The following GRID2 variants were observed in gnomAD, a reference collection of about 807,000 sequenced individuals.
GRID2 encodes glutamate ionotropic receptor delta type subunit 2.
Under a neutral mutation model 114.8 loss-of-function variants are expected in GRID2, and 33 were observed. That is an observed-to-expected ratio of 0.29 (90% CI 0.22 to 0.38). The LOEUF (loss-of-function observed/expected upper bound fraction) is 0.38. GRID2 is among the 10% of genes least tolerant of loss of function. The probability of loss-of-function intolerance (pLI) is 1.00; values close to 1 mark genes in which losing one functional copy is unlikely to be tolerated. For synonymous variants in GRID2, 505 were observed against 449.9 expected (o/e 1.12, Z -1.55); for missense variants, 1,184 against 1,257.7 (o/e 0.94, Z 0.89).
At chr4:92,336,954 G>GTTTTTTTTTTTTTT (rs59093874) in intron 1 of GRID2, among the ~76,000 whole-genome samples, 36 of 78,126 alleles carry the variant, frequency 4.6e-4, no homozygotes, top group Non-Finnish European at 5.0e-4. Flanking sequence ...TTTCGTTGTT[G>GTTTTTTTTTTTTTT]TTTTTTTTTT....
At chr4:93,758,650 A>C (rs1208132686) in intron 14 of GRID2, among the ~76,000 whole-genome samples, 2 of 152,216 alleles carry the variant, frequency 1.3e-5, no homozygotes, top group Admixed American at 6.5e-5. Flanking sequence ...TACAAATAGC[A>C]TACAACTCAG....
intron 2 of GRID2, among the ~76,000 whole-genome samples, chr4:92,763,887 G>C (rs886515651): frequency 6.6e-6 from 1 of 152,100 alleles, no homozygotes; most frequent in Non-Finnish European, 1.5e-5. Flanking sequence ...TCTAAACAAA[G>C]AACAGATATA....
intron 2 of GRID2, among the ~76,000 whole-genome samples, chr4:92,708,372 C>T (rs185152270): frequency 6.6e-6 from 1 of 152,290 alleles, no homozygotes; most frequent in East Asian, 1.9e-4. Context: ...AGCAATGCAA[C>T]TGCTTCAATT....
intron 1 of GRID2, among the ~76,000 whole-genome samples, chr4:92,475,153 T>A (rs964405407): frequency 4.3e-5 from 6 of 140,288 alleles, no homozygotes; most frequent in African/African-American, 8.0e-5. Context: ...ATAATAATAA[T>A]AAAAAGCTTT....
intron 2 of GRID2, among the ~76,000 whole-genome samples, chr4:92,733,525 T>G (rs937910892): frequency 9.2e-5 from 14 of 152,170 alleles, no homozygotes; most frequent in Middle Eastern, 3.4e-3. Flanking sequence ...AATAAGTAGA[T>G]AGCCATTTTA....
chr4:93,117,357 ATCAGCTT>A (rs1230203312), intron 4 of GRID2, among the ~76,000 whole-genome samples: 2 of 152,044 alleles, frequency 1.3e-5, no homozygotes, highest in African/African-American at 4.8e-5. Flanking sequence ...AGGGATAAAT[ATCAGCTT>A]TCAGGAACAT....
intron 13 of GRID2, among the ~76,000 whole-genome samples, chr4:93,553,152 A>G (rs1370885646): frequency 6.6e-6 from 1 of 152,198 alleles, no homozygotes; most frequent in Non-Finnish European, 1.5e-5. Flanking sequence ...ATACCCAGTA[A>G]TGGGATTCCT....
At chr4:93,023,151 CTG>C (rs1723554715) in intron 2 of GRID2, among the ~76,000 whole-genome samples, 1 of 137,764 alleles carries the variant, frequency 7.3e-6, no homozygotes, top group Non-Finnish European at 1.6e-5. Context: ...GTGTGTGTGT[CTG>C]TATTGGGCAT....
At chr4:92,380,741 C>A (rs961049264) in intron 1 of GRID2, among the ~76,000 whole-genome samples, 1 of 151,976 alleles carries the variant, frequency 6.6e-6, no homozygotes, top group South Asian at 2.1e-4. Flanking sequence ...TTCTGGCTAA[C>A]AGCGTTAGTT....
chr4:93,369,689 G>T (rs1372880709), intron 8 of GRID2, among the ~76,000 whole-genome samples: 1 of 152,038 alleles, frequency 6.6e-6, no homozygotes, highest in African/African-American at 2.4e-5. Context: ...GGGTCTCTCT[G>T]TGTTGACCAG....
At chr4:93,514,422 TACAC>T (rs56718347) in intron 12 of GRID2, among the ~76,000 whole-genome samples, 1,649 of 139,708 alleles carry the variant, frequency 0.012, 12 homozygotes, top group Non-Finnish European at 0.015. Flanking sequence ...ACCTCCACAG[TACAC>T]ACACACACAC....
At chr4:92,369,936 C>T (rs1221405596) in intron 1 of GRID2, among the ~76,000 whole-genome samples, 2 of 152,074 alleles carry the variant, frequency 1.3e-5, no homozygotes, top group Non-Finnish European at 2.9e-5. Flanking sequence ...ATGTAGCAAA[C>T]ACTGGGGCTT....
At chr4:93,436,693 C>G (rs760049124) in intron 10 of GRID2, among the ~76,000 whole-genome samples, 1 of 152,102 alleles carries the variant, frequency 6.6e-6, no homozygotes, top group Non-Finnish European at 1.5e-5. Context: ...CTAAATTAAA[C>G]TACAAACAAA....
intron 15 of GRID2, among the ~76,000 whole-genome samples, chr4:93,771,526 A>G (rs1734105990): frequency 6.6e-6 from 1 of 152,198 alleles, no homozygotes; most frequent in Non-Finnish European, 1.5e-5. Context: ...CTCTCTCTAA[A>G]CAATCGCACA....
At chr4:92,730,257 C>T (rs1736270562) in intron 2 of GRID2, among the ~76,000 whole-genome samples, 1 of 151,844 alleles carries the variant, frequency 6.6e-6, no homozygotes, top group African/African-American at 2.4e-5. Flanking sequence ...TAAACCACTA[C>T]ATAGAAAAGG....
At chr4:92,533,452 CAT>C (rs1725452432) in intron 1 of GRID2, among the ~76,000 whole-genome samples, 1 of 97,110 alleles carries the variant, frequency 1.0e-5, no homozygotes, top group Admixed American at 1.2e-4. Flanking sequence ...AGGACACATA[CAT>C]ACATACATAC....
chr4:93,060,887 G>A (rs1178091109), intron 2 of GRID2, among the ~76,000 whole-genome samples: 1 of 152,068 alleles, frequency 6.6e-6, no homozygotes, highest in African/African-American at 2.4e-5. Context: ...TGGATCACCT[G>A]AGGTCAGGAG....
rs1315490580 is a variant in GRID2, at chr4:93,198,511, A to G, written c.736-8893A>G. Among the ~76,000 whole-genome samples the G allele has an allele frequency of 2.0e-5, 3 of 152,284 alleles. No homozygotes were observed. In the East Asian group the frequency reaches 5.8e-4, roughly 29 times the overall value. On this transcript the variant is annotated intron_variant, in intron 4 of 15. Coordinates refer to ENST00000282020, the MANE Select transcript of GRID2 (RefSeq NM_001510.4). ...GCAGGAAAGTGATTACAGCTGAACC[A>G]GAGGGACTAAGGGGTTATATAAAAT...
At chr4:92,559,987 G>A (rs891070914) in intron 1 of GRID2, among the ~76,000 whole-genome samples, 6 of 151,996 alleles carry the variant, frequency 3.9e-5, no homozygotes, top group African/African-American at 7.3e-5. Context: ...ACTCTGAAAG[G>A]CATTTTCTTT....
Sources: allele counts gnomAD v4.1 joint callset (sites outside exome capture counted in the v4.1 genomes callset), GRCh38; gene constraint gnomAD v4.1.1; transcripts MANE v1.5; gene names NCBI Gene and HGNC (gene_info 2026-07-23, HGNC 2026-07-21).